The following HIVEP1 variants were observed in gnomAD, a reference collection of about 807,000 sequenced individuals.
The protein encoded by HIVEP1 is zinc finger protein 40.
HIVEP1 carries 36 observed loss-of-function variants against 180.0 expected under a neutral mutation model. That is an observed-to-expected ratio of 0.20 (90% CI 0.15 to 0.26). HIVEP1 has a LOEUF of 0.26. Ranked by LOEUF, HIVEP1 falls within the 10% of genes least tolerant of loss-of-function variation. The pLI, the probability that HIVEP1 is intolerant of heterozygous loss-of-function variation, is 1.00. For synonymous variants in HIVEP1, 1,239 were observed against 1,239.0 expected (o/e 1.00, Z 0.00); for missense variants, 3,143 against 3,268.7 (o/e 0.96, Z 0.94).
intron 3 of HIVEP1, among the ~76,000 whole-genome samples, chr6:12,105,710 G>A (rs1383350863): frequency 6.6e-6 from 1 of 151,920 alleles, no homozygotes; most frequent in Non-Finnish European, 1.5e-5. Context: ...ATACACACAC[G>A]CTCTCACACA....
intron 2 of HIVEP1, among the ~76,000 whole-genome samples, chr6:12,087,553 T>C (rs1773188731): frequency 6.6e-6 from 1 of 152,118 alleles, no homozygotes. Flanking sequence ...TACTATATGT[T>C]ATGTGATTTG....
chr6:12,009,134 G>A (rs995388301), upstream of HIVEP1, among the ~76,000 whole-genome samples: 12 of 146,936 alleles, frequency 8.2e-5, no homozygotes, highest in African/African-American at 2.9e-4. Context: ...GGCGGCGGCG[G>A]CGGCGGCGGC....
the HIVEP1 span, among the ~76,000 whole-genome samples, chr6:12,209,363 G>A: frequency 6.6e-6 from 1 of 152,188 alleles, no homozygotes; most frequent in East Asian, 1.9e-4. Context: ...AACCCGGGAG[G>A]CGGAGCTTGC....
the HIVEP1 span, among the ~76,000 whole-genome samples, chr6:12,176,233 GTT>G: frequency 2.2e-5 from 3 of 133,462 alleles, no homozygotes; most frequent in African/African-American, 5.6e-5. Context: ...TAAGTCTTGG[GTT>G]TTTTTTTTTT....
At chr6:12,179,375 G>T in the HIVEP1 span, among the ~76,000 whole-genome samples, 2 of 152,134 alleles carry the variant, frequency 1.3e-5, no homozygotes, top group South Asian at 4.1e-4. Flanking sequence ...CATTCCCTCC[G>T]CACCATCCAC....
At chr6:12,094,172 A>G (rs1458910478) in intron 3 of HIVEP1, among the ~76,000 whole-genome samples, 1 of 152,024 alleles carries the variant, frequency 6.6e-6, no homozygotes, top group East Asian at 1.9e-4. Context: ...GGCAAATAAA[A>G]ATGCAATATA....
chr6:12,076,389 A>C (rs1419622473), intron 2 of HIVEP1, among the ~76,000 whole-genome samples: 1 of 149,022 alleles, frequency 6.7e-6, no homozygotes, highest in Non-Finnish European at 1.5e-5. Flanking sequence ...AAAACATCTT[A>C]GAGAGAGAGA....
intron 2 of HIVEP1, among the ~76,000 whole-genome samples, chr6:12,053,229 G>A (rs188985588): frequency 6.6e-6 from 1 of 152,198 alleles, no homozygotes; most frequent in African/African-American, 2.4e-5. Flanking sequence ...CTGTTCATGT[G>A]TGTGTGTGTG....
intron 7 of HIVEP1, among the ~76,000 whole-genome samples, chr6:12,153,881 C>T (rs1038123249): frequency 2.0e-5 from 3 of 152,152 alleles, no homozygotes; most frequent in Non-Finnish European, 4.4e-5. Context: ...GGTGCAGTGG[C>T]TCACGCCTGT....
rs561150957 is a variant in HIVEP1 at position 12,018,988 on chromosome 6, A to G, written c.40+3320A>G. Among the ~76,000 whole-genome samples the G allele has an allele frequency of 5.9e-5, 9 of 152,324 alleles. No homozygotes were observed. In the South Asian group the frequency reaches 8.3e-4, roughly 14 times the overall value. On this transcript the variant is annotated intron_variant, in intron 2 of 8. Transcript: ENST00000379388. ...CTTTAAGATATTTTTAAAGTTTTCAAAGAGAACTTGGAATAAATTGTGTCT... is the reference window on the plus strand; with the variant it reads ...CTTTAAGATATTTTTAAAGTTTTCAGAGAGAACTTGGAATAAATTGTGTCT...
intron 2 of HIVEP1, among the ~76,000 whole-genome samples, chr6:12,031,013 G>A (rs1370484831): frequency 6.6e-6 from 1 of 150,900 alleles, no homozygotes; most frequent in East Asian, 1.9e-4. Flanking sequence ...CTCTGCCCAG[G>A]TTTGCTTTCG....
chr6:12,196,173 A>G, the HIVEP1 span, among the ~76,000 whole-genome samples: 1 of 152,206 alleles, frequency 6.6e-6, no homozygotes, highest in African/African-American at 2.4e-5. Flanking sequence ...ACTTGGAGAA[A>G]ATAATAATAT....
chr6:12,127,051 C>T (rs567071482), intron 4 of HIVEP1, among the ~76,000 whole-genome samples: 21 of 152,128 alleles, frequency 1.4e-4, no homozygotes, highest in Admixed American at 1.2e-3. Flanking sequence ...GACAGAGTTT[C>T]GCCATGTCTG....
intron 2 of HIVEP1, among the ~76,000 whole-genome samples, chr6:12,043,050 G>T (rs1282918379): frequency 1.3e-5 from 2 of 152,138 alleles, no homozygotes; most frequent in Non-Finnish European, 2.9e-5. Context: ...AGTAACTTCT[G>T]ATATATACTT....
intron 7 of HIVEP1, among the ~76,000 whole-genome samples, chr6:12,143,197 C>G (rs773252472): frequency 1.6e-4 from 25 of 152,266 alleles, no homozygotes; most frequent in East Asian, 9.6e-4. Flanking sequence ...ATGATCAAGT[C>G]GGCTTCATCC....
intron 2 of HIVEP1, among the ~76,000 whole-genome samples, chr6:12,051,956 A>G (rs1770571304): frequency 6.6e-6 from 1 of 152,206 alleles, no homozygotes; most frequent in Non-Finnish European, 1.5e-5. Flanking sequence ...TGTTCTCTCC[A>G]GTTTCAAAAT....
At chr6:12,101,646 T>C (rs1489983817) in intron 3 of HIVEP1, among the ~76,000 whole-genome samples, 3 of 151,960 alleles carry the variant, frequency 2.0e-5, no homozygotes, top group African/African-American at 7.2e-5. Context: ...TTTGAAAATA[T>C]TCACTTAATG....
At chr6:12,013,032 C>G (rs1581482464) in intron 1 of HIVEP1, among the ~76,000 whole-genome samples, 2 of 151,780 alleles carry the variant, frequency 1.3e-5, no homozygotes, top group South Asian at 4.2e-4. Context: ...CGGGTCGGCT[C>G]GGGCTCGCCT....
chr6:12,076,754 T>G (rs1772378043), intron 2 of HIVEP1, among the ~76,000 whole-genome samples: 2 of 152,162 alleles, frequency 1.3e-5, no homozygotes, highest in African/African-American at 4.8e-5. Context: ...TTCCAACACA[T>G]GCATTTTGGA....
Sources: allele counts gnomAD v4.1 joint callset (sites outside exome capture counted in the v4.1 genomes callset), GRCh38; gene constraint gnomAD v4.1.1; transcripts MANE v1.5; gene names NCBI Gene and HGNC (gene_info 2026-07-23, HGNC 2026-07-21).